The following KCNT2 variants were observed in gnomAD, a reference collection of about 807,000 sequenced individuals.
KCNT2 encodes the protein potassium channel subfamily T member 2.
KCNT2 carries 67 observed loss-of-function variants against 153.8 expected under a neutral mutation model. That is an observed-to-expected ratio of 0.44 (90% confidence interval 0.36 to 0.53). The LOEUF is 0.53. Among genes scored for constraint, KCNT2 ranks in the 20% least tolerant of loss-of-function variants. The pLI, the probability that KCNT2 is intolerant of heterozygous loss-of-function variation, is 0.00. For synonymous variants in KCNT2, 500 were observed against 458.8 expected (o/e 1.09, Z -1.15); for missense variants, 975 against 1,354.8 (o/e 0.72, Z 4.40).
intron 1 of KCNT2, among the ~76,000 whole-genome samples, chr1:196,515,812 C>T (rs563731414): frequency 6.6e-6 from 1 of 152,096 alleles, no homozygotes; most frequent in Non-Finnish European, 1.5e-5. Flanking sequence ...TGACTGCCCA[C>T]CCTGGAGCAA....
At chr1:196,437,412 T>A (rs1235462444) in intron 8 of KCNT2, among the ~76,000 whole-genome samples, 1 of 142,810 alleles carries the variant, frequency 7.0e-6, no homozygotes, top group Non-Finnish European at 1.5e-5. Context: ...TATATATATA[T>A]AAGTTTTCTT....
At chr1:196,296,341 G>C (rs564079187) in intron 22 of KCNT2, among the ~76,000 whole-genome samples, 1 of 151,160 alleles carries the variant, frequency 6.6e-6, no homozygotes, top group East Asian at 1.9e-4. Context: ...AGAGTTAACA[G>C]TAATTTAAAT....
intron 25 of KCNT2, among the ~76,000 whole-genome samples, chr1:196,266,117 A>G (rs1471193249): frequency 6.6e-6 from 1 of 152,156 alleles, no homozygotes; most frequent in Non-Finnish European, 1.5e-5. Flanking sequence ...CCCACTTGGA[A>G]ATTCTTAAAT....
At chr1:196,430,408 T>C (rs200081544) in intron 8 of KCNT2, among the ~76,000 whole-genome samples, 1 of 119,352 alleles carries the variant, frequency 8.4e-6, no homozygotes, top group Admixed American at 8.4e-5. Context: ...CTCTCTCTCT[T>C]TCTCTCTCTC....
chr1:196,343,820 C>T (rs1665895602), intron 14 of KCNT2, among the ~76,000 whole-genome samples: 1 of 152,020 alleles, frequency 6.6e-6, no homozygotes, highest in Admixed American at 6.6e-5. Context: ...TGCTTTGTCG[C>T]CCAGGCTGGA....
chr1:196,267,337 G>A (rs1412113897), intron 25 of KCNT2, among the ~76,000 whole-genome samples: 2 of 152,186 alleles, frequency 1.3e-5, no homozygotes, highest in Non-Finnish European at 2.9e-5. Context: ...TTGATCAAAG[G>A]CTACTTCATC....
At chr1:196,502,072 G>A (rs915135327) in intron 1 of KCNT2, among the ~76,000 whole-genome samples, 3 of 152,120 alleles carry the variant, frequency 2.0e-5, no homozygotes, top group Non-Finnish European at 2.9e-5. Flanking sequence ...AGTTGAGATC[G>A]TGCCACTGCA....
intron 1 of KCNT2, among the ~76,000 whole-genome samples, chr1:196,559,204 G>A (rs907521084): frequency 5.9e-5 from 9 of 151,428 alleles, no homozygotes; most frequent in African/African-American, 1.7e-4. Flanking sequence ...GTAAATAAAT[G>A]GAATGCTCTT....
At chr1:196,431,139 T>A (rs1390722642) in intron 8 of KCNT2, among the ~76,000 whole-genome samples, 1 of 152,118 alleles carries the variant, frequency 6.6e-6, no homozygotes, top group Non-Finnish European at 1.5e-5. Flanking sequence ...ACCAAATCTG[T>A]GAGCCCTTGA....
chr1:196,503,432 G>A (rs1375859423), intron 1 of KCNT2, among the ~76,000 whole-genome samples: 2 of 152,078 alleles, frequency 1.3e-5, no homozygotes, highest in Non-Finnish European at 2.9e-5. Flanking sequence ...CTAATAGCTT[G>A]CCAATCAAAA....
intron 8 of KCNT2, among the ~76,000 whole-genome samples, chr1:196,431,592 G>T (rs958099765): frequency 5.9e-5 from 9 of 152,052 alleles, no homozygotes; most frequent in Non-Finnish European, 5.9e-5. Flanking sequence ...GGTAAAACTT[G>T]GTAATTATGT....
chr1:196,319,302 A>T (rs529589177), intron 20 of KCNT2, among the ~76,000 whole-genome samples, 182 bp downstream of exon 20: 1 of 151,832 alleles, frequency 6.6e-6, no homozygotes, highest in Non-Finnish European at 1.5e-5. Flanking sequence ...TCAACAATAG[A>T]TTACTACTCA....
At chr1:196,585,991 T>C (rs1662631020) in intron 1 of KCNT2, among the ~76,000 whole-genome samples, 1 of 152,120 alleles carries the variant, frequency 6.6e-6, no homozygotes, top group Admixed American at 6.6e-5. Flanking sequence ...ATGACTCATG[T>C]CTATAATCCC....
chr1:196,464,681 T>C (rs1212769154), intron 8 of KCNT2, among the ~76,000 whole-genome samples: 7 of 152,008 alleles, frequency 4.6e-5, no homozygotes, highest in Non-Finnish European at 2.9e-5. Flanking sequence ...AGGATCTGAA[T>C]GAATCCATAT....
At chr1:196,579,114 C>T (rs1390216442) in intron 1 of KCNT2, among the ~76,000 whole-genome samples, 1 of 152,112 alleles carries the variant, frequency 6.6e-6, no homozygotes, top group Non-Finnish European at 1.5e-5. Context: ...TGGTACTGCA[C>T]AACGTATGGG....
At position 196,414,160 on chromosome 1, in the gene KCNT2, T is replaced by C. The variant is rs547891629; in HGVS notation, c.1185+8890A>G. ...AAAATCACTTCAAAGTTATGCCTAA[T>C]ATTAACAATTCAATTATACAGATTT... On this transcript the variant is annotated intron_variant, in intron 12 of 27. Coordinates refer to ENST00000294725, the MANE Select transcript of KCNT2 (RefSeq NM_198503.5). Among the ~76,000 whole-genome samples, 75 of 151,824 alleles carry C rather than the reference T, an allele frequency of 4.9e-4. No individual in the cohort carries two copies. In the South Asian group the frequency reaches 0.015, roughly 31 times the overall value.
At chr1:196,401,434 A>G (rs1165171248) in intron 12 of KCNT2, among the ~76,000 whole-genome samples, 1 of 151,792 alleles carries the variant, frequency 6.6e-6, no homozygotes, top group Non-Finnish European at 1.5e-5. Context: ...TAAAGCTGCT[A>G]CTAGAACTAT....
intron 14 of KCNT2, among the ~76,000 whole-genome samples, chr1:196,371,437 A>G (rs1668527171): frequency 6.6e-6 from 1 of 151,958 alleles, no homozygotes; most frequent in Non-Finnish European, 1.5e-5. Flanking sequence ...TGGTTGGATA[A>G]TTCTATGAAT....
intron 12 of KCNT2, among the ~76,000 whole-genome samples, chr1:196,418,946 C>A (rs1157075279): frequency 2.0e-5 from 3 of 151,970 alleles, no homozygotes; most frequent in Non-Finnish European, 4.4e-5. Flanking sequence ...CTGAAGTTCT[C>A]CACTCCTCAC....
Sources: allele counts gnomAD v4.1 joint callset (sites outside exome capture counted in the v4.1 genomes callset), GRCh38; gene constraint gnomAD v4.1.1; transcripts MANE v1.5; gene names NCBI Gene and HGNC (gene_info 2026-07-23, HGNC 2026-07-21).